Variants in LRMDA observed in about 807,000 individuals in gnomAD.
LRMDA encodes the protein leucine-rich melanocyte differentiation-associated protein.
LRMDA carries 18 observed loss-of-function variants against 29.8 expected under a neutral mutation model. That is an observed-to-expected ratio of 0.60 (90% CI 0.42 to 0.90). The LOEUF is 0.90. Ranked by LOEUF, LRMDA falls within the 40% of genes least tolerant of loss-of-function variation. The pLI, the probability that LRMDA is intolerant of heterozygous loss-of-function variation, is 0.00. For synonymous variants in LRMDA, 125 were observed against 109.4 expected (o/e 1.14, Z -0.89); for missense variants, 273 against 273.9 (o/e 1.00, Z 0.02).
At chr10:76,268,648 G>GA (rs1278631080) in intron 5 of LRMDA, among the ~76,000 whole-genome samples, 9 of 152,294 alleles carry the variant, frequency 5.9e-5, no homozygotes, top group Admixed American at 2.6e-4. Flanking sequence ...CAGTAAATCA[G>GA]AAAAAATGCC....
intron 2 of LRMDA, among the ~76,000 whole-genome samples, chr10:75,959,980 TC>T (rs1846734882): frequency 6.6e-6 from 1 of 152,352 alleles, no homozygotes; most frequent in East Asian, 1.9e-4. Flanking sequence ...CCAGTAGAAT[TC>T]TAACACAGGT....
intron 2 of LRMDA, among the ~76,000 whole-genome samples, chr10:75,535,963 A>G (rs1160187801): frequency 6.6e-6 from 1 of 152,188 alleles, no homozygotes; most frequent in Admixed American, 6.5e-5. Flanking sequence ...GAATTATTCT[A>G]TGCAATCCTG....
At chr10:76,268,888 C>T (rs1191768874) in intron 5 of LRMDA, among the ~76,000 whole-genome samples, 3 of 152,010 alleles carry the variant, frequency 2.0e-5, no homozygotes, top group African/African-American at 4.8e-5. Context: ...TATTGGCCCC[C>T]TAGGTTTCAT....
At chr10:75,815,595 AG>A (rs1247600430) in intron 2 of LRMDA, among the ~76,000 whole-genome samples, 1 of 152,146 alleles carries the variant, frequency 6.6e-6, no homozygotes. Flanking sequence ...CCTTTTATTG[AG>A]AAAGGAGCAT....
chr10:75,657,798 A>G (rs1276876077), intron 2 of LRMDA, among the ~76,000 whole-genome samples: 4 of 152,126 alleles, frequency 2.6e-5, no homozygotes, highest in Non-Finnish European at 5.9e-5. Flanking sequence ...GTGCAGGGTA[A>G]CGGGTCCTAG....
chr10:75,827,491 C>T (rs1182969137), intron 2 of LRMDA, among the ~76,000 whole-genome samples: 1 of 152,132 alleles, frequency 6.6e-6, no homozygotes, highest in Non-Finnish European at 1.5e-5. Context: ...TATTTGGTCT[C>T]TTATGGAAGC....
chr10:75,582,573 C>T (rs984443438), intron 2 of LRMDA, among the ~76,000 whole-genome samples: 7 of 152,190 alleles, frequency 4.6e-5, no homozygotes, highest in African/African-American at 1.7e-4. Context: ...ACCTCCTAGG[C>T]CTCCAGGACT....
intron 5 of LRMDA, among the ~76,000 whole-genome samples, chr10:76,061,317 A>C (rs1311613135): frequency 6.6e-6 from 1 of 152,206 alleles, no homozygotes; most frequent in Admixed American, 6.5e-5. Flanking sequence ...AAGCTAAATG[A>C]TGAGAACTCA....
intron 2 of LRMDA, among the ~76,000 whole-genome samples, chr10:75,736,716 C>G (rs755880110): frequency 6.6e-6 from 1 of 152,218 alleles, no homozygotes; most frequent in Non-Finnish European, 1.5e-5. Context: ...ATTTTAGTTA[C>G]AGAATTGCCA....
chr10:76,246,987 C>T (rs1421679611), intron 5 of LRMDA, among the ~76,000 whole-genome samples: 1 of 152,132 alleles, frequency 6.6e-6, no homozygotes, highest in Non-Finnish European at 1.5e-5. Context: ...TAAGTGAAAA[C>T]AATGGATTTA....
At position 76,090,774 on chromosome 10, in the gene LRMDA, A is replaced by G. The variant is rs940828998; in HGVS notation, c.516+31991A>G. ...TTGTGCTAAGTGAAATAAAACACTC[A>G]CAAAAAGACAAATATGATTCTACTT... On this transcript the variant is annotated intron_variant, in intron 5 of 6. Coordinates refer to ENST00000611255, the MANE Select transcript of LRMDA (RefSeq NM_001305581.2). 2.6e-5 allele frequency among the ~76,000 whole-genome samples: 4 copies of G among 152,232 alleles called. No homozygotes were observed. The East Asian group carries it at 5.8e-4, about 22-fold the overall frequency.
chr10:76,144,992 C>T (rs1850284246), intron 5 of LRMDA, among the ~76,000 whole-genome samples: 1 of 152,122 alleles, frequency 6.6e-6, no homozygotes, highest in Admixed American at 6.5e-5. Flanking sequence ...TGCTGGATTA[C>T]ATTTATTGAT....
intron 2 of LRMDA, among the ~76,000 whole-genome samples, chr10:75,575,395 G>A (rs1157136413): frequency 6.6e-6 from 1 of 152,110 alleles, no homozygotes; most frequent in African/African-American, 2.4e-5. Context: ...TTGAGACAAG[G>A]CTAGTCTCTT....
chr10:75,892,343 G>A (rs1031188505), intron 2 of LRMDA, among the ~76,000 whole-genome samples: 3 of 152,142 alleles, frequency 2.0e-5, no homozygotes, highest in Non-Finnish European at 4.4e-5. Context: ...ACCTTGAATT[G>A]GCTCAGCCCA....
intron 2 of LRMDA, among the ~76,000 whole-genome samples, chr10:75,943,043 G>A (rs913735527): frequency 6.6e-6 from 1 of 152,002 alleles, no homozygotes; most frequent in Non-Finnish European, 1.5e-5. Flanking sequence ...TTGTCTCCGA[G>A]TAGGTTAGGA....
rs7394287 is a variant in LRMDA, at chr10:75,619,424, C to T, written c.131+180930C>T. Among the ~76,000 whole-genome samples the T allele has an allele frequency of 0.013, 1,944 of 152,200 alleles. 177 individuals carry two copies. The East Asian group carries it at 0.23, about 18-fold the overall frequency. ...CCTCCCAGAGTTTGTCATTCATAGCCCGTGAGTAGGTTTGCAGTACACACT... is the reference window on the plus strand; with the variant it reads ...CCTCCCAGAGTTTGTCATTCATAGCTCGTGAGTAGGTTTGCAGTACACACT... On this transcript the variant is annotated intron_variant, in intron 2 of 6. Transcript: ENST00000611255.
At chr10:76,128,372 G>T (rs1849923384) in intron 5 of LRMDA, among the ~76,000 whole-genome samples, 1 of 152,226 alleles carries the variant, frequency 6.6e-6, no homozygotes. Context: ...ACAATGAAGA[G>T]CAGGAGGCTG....
chr10:75,855,325 T>C (rs1844806779), intron 2 of LRMDA, among the ~76,000 whole-genome samples: 1 of 152,240 alleles, frequency 6.6e-6, no homozygotes. Flanking sequence ...CCAGTGATGA[T>C]GAGCATTTTT....
intron 6 of LRMDA, among the ~76,000 whole-genome samples, chr10:76,502,914 G>A (rs913469295): frequency 1.3e-5 from 2 of 151,624 alleles, no homozygotes; most frequent in Non-Finnish European, 2.9e-5. Flanking sequence ...TCTGGCTAGG[G>A]CTTCCAATAC....
Sources: allele counts gnomAD v4.1 joint callset (sites outside exome capture counted in the v4.1 genomes callset), GRCh38; gene constraint gnomAD v4.1.1; transcripts MANE v1.5; gene names NCBI Gene and HGNC (gene_info 2026-07-23, HGNC 2026-07-21).